Variants in RBPJ observed in about 807,000 individuals in gnomAD.
RBPJ encodes the protein recombination signal binding protein for immunoglobulin kappa J region.
In RBPJ, 9 loss-of-function variants were observed where a neutral mutation model predicts 67.8. The observed-to-expected ratio is 0.13, with a 90% CI of 0.08 to 0.23. RBPJ has a LOEUF of 0.23. RBPJ is among the 10% of genes least tolerant of loss of function. The pLI is 1.00. For missense variants in RBPJ, 305 were observed against 595.6 expected (o/e 0.51, Z 5.08); for synonymous variants, 198 against 203.3 (o/e 0.97, Z 0.22).
At chr4:26,127,262 A>G in the RBPJ span, among the ~76,000 whole-genome samples, 6 of 152,204 alleles carry the variant, frequency 3.9e-5, no homozygotes, top group Admixed American at 1.3e-4. Context: ...ATCTTTCTGT[A>G]TTTCATGACC....
At chr4:26,269,785 G>A (rs1009300815) in intron 1 of RBPJ, among the ~76,000 whole-genome samples, 13 of 152,126 alleles carry the variant, frequency 8.5e-5, no homozygotes, top group African/African-American at 2.7e-4. Flanking sequence ...TTGAGGGAAG[G>A]GAGTGAAGGG....
At chr4:26,384,708 CT>C (rs1436036315) in intron 1 of RBPJ, 1 of 152,016 alleles carries the variant, frequency 6.6e-6, no homozygotes, top group Non-Finnish European at 1.5e-5. Flanking sequence ...CTACTTATAG[CT>C]AAAAACGATA....
At chr4:26,237,437 G>C (rs941784999) in intron 1 of RBPJ, among the ~76,000 whole-genome samples, 3 of 152,142 alleles carry the variant, frequency 2.0e-5, no homozygotes, top group African/African-American at 7.2e-5. Flanking sequence ...ATTTTGCACG[G>C]TGTTAAAGAC....
intron 1 of RBPJ, among the ~76,000 whole-genome samples, chr4:26,355,190 G>C (rs1727242547): frequency 6.6e-6 from 1 of 152,132 alleles, no homozygotes; most frequent in Admixed American, 6.5e-5. Context: ...TAATCCCCCA[G>C]GAGCTGGGAC....
intron 1 of RBPJ, among the ~76,000 whole-genome samples, chr4:26,324,674 C>T (rs143664454): frequency 9.9e-5 from 15 of 152,192 alleles, no homozygotes; most frequent in African/African-American, 3.4e-4. Context: ...GGATTACCAG[C>T]GTACACCATC....
At chr4:26,333,530 T>G (rs1251780287) in intron 1 of RBPJ, among the ~76,000 whole-genome samples, 1 of 152,150 alleles carries the variant, frequency 6.6e-6, no homozygotes, top group East Asian at 1.9e-4. Flanking sequence ...ATTTTGTATT[T>G]CATTTTTAAA....
chr4:26,358,478 A>C (rs1727643603), intron 1 of RBPJ, among the ~76,000 whole-genome samples: 1 of 151,974 alleles, frequency 6.6e-6, no homozygotes, highest in Non-Finnish European at 1.5e-5. Flanking sequence ...TTGTATTTTA[A>C]AAATAGTCCA....
At chr4:26,113,320 C>A in the RBPJ span, 1 of 498,694 alleles carries the variant, frequency 2.0e-6, no homozygotes. Flanking sequence ...ATAAATAAAC[C>A]TACGAATGTG....
At chr4:26,343,331 A>G (rs1725745431) in intron 1 of RBPJ, 1 of 152,194 alleles carries the variant, frequency 6.6e-6, no homozygotes, top group Non-Finnish European at 1.5e-5. Context: ...AAATTGTAAG[A>G]TATGTTATAG....
rs747135507 is a variant in RBPJ at position 26,424,759 on chromosome 4, T to A, written c.747+16T>A. The A allele has an allele frequency of 6.9e-7, 1 of 1,439,042 alleles. No individual in the cohort carries two copies. 89.1% of individuals were successfully genotyped at this position (1,439,042 alleles called of 1,614,324 possible). A position where few individuals can be genotyped will look rare whatever the true frequency, so the allele number is the denominator to read the frequency against. ...CCCAAGATTGGTATGGCTCTACTTT[T>A]GCTTTAGTGATAATGTGAAGTAAAA... On this transcript the variant is annotated intron_variant, in intron 7 of 10. Transcript: ENST00000355476. This position sits in a 1 kb window ranked among gnomAD's most constrained non-coding sequence, Gnocchi z 5.3.
chr4:26,121,333 A>C, the RBPJ span, among the ~76,000 whole-genome samples: 1 of 152,304 alleles, frequency 6.6e-6, no homozygotes, highest in South Asian at 2.1e-4. Context: ...TGAGAACCAA[A>C]TAGGCAGAGA....
the RBPJ span, among the ~76,000 whole-genome samples, chr4:26,123,837 G>A: frequency 6.6e-6 from 1 of 152,096 alleles, no homozygotes; most frequent in Non-Finnish European, 1.5e-5. Flanking sequence ...CCACTGGAAG[G>A]TCTTCAGGGG....
Position 26,210,500 on chromosome 4 carries a change from T to C in RBPJ, c.-167+46886T>C, listed in dbSNP as rs188573066. Among the ~76,000 whole-genome samples, 12 of 152,292 alleles carry C rather than the reference T, an allele frequency of 7.9e-5. No individual in the cohort carries two copies. The East Asian group carries it at 2.1e-3, about 27-fold the overall frequency. Reference sequence around the variant, plus strand: ...GCATCAAAAATCATTGTTAGTATTATTTAAAAGAAGCTATATGACGTTAAT... The same window carrying C: ...GCATCAAAAATCATTGTTAGTATTACTTAAAAGAAGCTATATGACGTTAAT... On this transcript the variant is annotated intron_variant, in intron 1 of 4. Transcript: ENST00000512351.
At chr4:26,306,268 G>C (rs1421154644) in intron 1 of RBPJ, among the ~76,000 whole-genome samples, 2 of 151,936 alleles carry the variant, frequency 1.3e-5, no homozygotes, top group Non-Finnish European at 2.9e-5. Flanking sequence ...GGAAATTCTT[G>C]TTTCATTCTT....
chr4:26,165,128 C>A (rs2109110274), intron 1 of RBPJ, among the ~76,000 whole-genome samples: 1 of 152,106 alleles, frequency 6.6e-6, no homozygotes, highest in African/African-American at 2.4e-5. Context: ...CAAAAAAATT[C>A]TCTTTTAAAA....
intron 1 of RBPJ, among the ~76,000 whole-genome samples, chr4:26,266,817 G>T (rs557869769): frequency 6.6e-6 from 1 of 152,238 alleles, no homozygotes; most frequent in South Asian, 2.1e-4. Context: ...ATTACTGGTG[G>T]CATCTGCTAA....
At chr4:26,138,394 G>A in the RBPJ span, among the ~76,000 whole-genome samples, 2 of 150,812 alleles carry the variant, frequency 1.3e-5, no homozygotes, top group East Asian at 1.9e-4. Context: ...AGGCAGAGCA[G>A]GGATGAAAAG....
chr4:26,231,674 AG>A (rs1314663057), intron 1 of RBPJ, among the ~76,000 whole-genome samples: 1 of 151,444 alleles, frequency 6.6e-6, no homozygotes, highest in African/African-American at 2.4e-5. Context: ...GGCCTCCCAA[AG>A]TGTTGGGATT....
the RBPJ span, among the ~76,000 whole-genome samples, chr4:26,150,614 AT>A: frequency 6.6e-6 from 1 of 152,218 alleles, no homozygotes; most frequent in African/African-American, 2.4e-5. Flanking sequence ...AAAAAAAGGG[AT>A]TGTTGTAACA....
Sources: gnomAD v4.1 joint callset for allele counts (sites outside exome capture counted in the v4.1 genomes callset) on GRCh38, gnomAD v4.1.1 for gene constraint, Gnocchi (gnomAD v3.1) non-coding constraint, MANE v1.5 for transcripts, NCBI Gene and HGNC (gene_info 2026-07-23, HGNC 2026-07-21) for gene names.